The following WDR27 variants were observed in gnomAD, a reference collection of about 807,000 sequenced individuals.
The protein encoded by WDR27 is WD repeat domain 27.
Under a neutral mutation model 114.4 loss-of-function variants are expected in WDR27, and 100 were observed. The ratio of observed to expected loss-of-function variants is 0.87; its 90% confidence interval spans 0.74 to 1.03. The LOEUF is 1.03. Ranked by LOEUF, WDR27 falls within the 50% of genes least tolerant of loss-of-function variation. The pLI, the probability that WDR27 is intolerant of heterozygous loss-of-function variation, is 0.00. For missense variants in WDR27, 1,129 were observed against 1,092.9 expected (o/e 1.03, Z -0.47); for synonymous variants, 449 against 423.1 (o/e 1.06, Z -0.75).
intron 25 of WDR27, among the ~76,000 whole-genome samples, chr6:169,502,989 C>A (rs1418723230): frequency 6.6e-6 from 1 of 152,138 alleles, no homozygotes; most frequent in African/African-American, 2.4e-5. Flanking sequence ...CATGAAATGT[C>A]TACCTAGTCA....
intron 23 of WDR27, among the ~76,000 whole-genome samples, chr6:169,590,090 G>C (rs1805438212): frequency 6.6e-6 from 1 of 152,232 alleles, no homozygotes; most frequent in Non-Finnish European, 1.5e-5. Context: ...CTGAAGAAGA[G>C]AAGTGTTTTG....
intron 1 of WDR27, among the ~76,000 whole-genome samples, chr6:169,696,196 C>T (rs1585228631): frequency 6.6e-6 from 1 of 152,348 alleles, no homozygotes; most frequent in African/African-American, 2.4e-5. Context: ...CATACGTCTA[C>T]ACAGTGATCT....
intron 25 of WDR27, among the ~76,000 whole-genome samples, chr6:169,490,331 T>C (rs1228490554): frequency 6.6e-6 from 1 of 152,232 alleles, no homozygotes; most frequent in Non-Finnish European, 1.5e-5. Flanking sequence ...CATGTGGAAT[T>C]TGAACACTGT....
intron 25 of WDR27, chr6:169,558,835 T>C (rs1348924652): frequency 6.6e-6 from 1 of 152,358 alleles, no homozygotes; most frequent in East Asian, 1.9e-4. Context: ...CCAGAGTCCA[T>C]GAGCCATAAA....
intron 25 of WDR27, among the ~76,000 whole-genome samples, chr6:169,547,349 C>A (rs1453865994): frequency 6.6e-6 from 1 of 151,828 alleles, no homozygotes; most frequent in Non-Finnish European, 1.5e-5. Flanking sequence ...ACAAAAAAAC[C>A]AAGGACAGTA....
intron 25 of WDR27, among the ~76,000 whole-genome samples, chr6:169,478,612 C>T (rs1583659615): frequency 6.6e-6 from 1 of 151,556 alleles, no homozygotes. Flanking sequence ...TTATGTGCCA[C>T]AACAAAGCAA....
At chr6:169,579,224 T>A (rs1034188168) in intron 24 of WDR27, among the ~76,000 whole-genome samples, 1 of 152,210 alleles carries the variant, frequency 6.6e-6, no homozygotes, top group Non-Finnish European at 1.5e-5. Flanking sequence ...AAGTCATAGA[T>A]GAAAGGTCTG....
the WDR27 span, among the ~76,000 whole-genome samples, chr6:169,430,290 A>C: frequency 6.6e-6 from 1 of 152,234 alleles, no homozygotes; most frequent in East Asian, 1.9e-4. Flanking sequence ...AAGGCCAGGC[A>C]GCCTTTGAAC....
intron 25 of WDR27, among the ~76,000 whole-genome samples, chr6:169,470,488 C>T (rs188800660): frequency 6.6e-6 from 1 of 152,334 alleles, no homozygotes; most frequent in East Asian, 1.9e-4. Context: ...TACTACATGG[C>T]TTGAAAAATA....
chr6:169,551,899 T>C (rs1478583556), intron 25 of WDR27, among the ~76,000 whole-genome samples: 1 of 152,178 alleles, frequency 6.6e-6, no homozygotes, highest in African/African-American at 2.4e-5. Flanking sequence ...GACACTTACA[T>C]GAATGCCTGC....
At chr6:169,561,526 A>G (rs1799666439) in intron 25 of WDR27, among the ~76,000 whole-genome samples, 1 of 152,242 alleles carries the variant, frequency 6.6e-6, no homozygotes, top group African/African-American at 2.4e-5. Context: ...AAAGATTTAT[A>G]CTTTAAATTA....
intron 13 of WDR27, among the ~76,000 whole-genome samples, chr6:169,654,739 A>AGGCGCGCACAGGGTTAGGC (rs1554347980): frequency 1.3e-5 from 2 of 151,662 alleles, no homozygotes; most frequent in East Asian, 1.9e-4. Context: ...GCACAGGAGG[A>AGGCGCGCACAGGGTTAGGC]GGCGCGCACA....
intron 2 of WDR27, among the ~76,000 whole-genome samples, chr6:169,674,140 C>CT (rs557892773): frequency 5.3e-5 from 8 of 151,996 alleles, no homozygotes; most frequent in African/African-American, 1.7e-4. Context: ...ATCAGCTATA[C>CT]TTTTTTTTCA....
chr6:169,438,525 C>A, the WDR27 span, among the ~76,000 whole-genome samples: 1 of 152,186 alleles, frequency 6.6e-6, no homozygotes, highest in African/African-American at 2.4e-5. Context: ...GCGTGAGCCA[C>A]CGCACCCAGC....
chr6:169,499,685 T>C (rs1186772932), intron 25 of WDR27, among the ~76,000 whole-genome samples: 1 of 152,238 alleles, frequency 6.6e-6, no homozygotes, highest in African/African-American at 2.4e-5. Flanking sequence ...CAAGCCTGCA[T>C]AGGCCAGAAC....
In WDR27 at chr6:169,702,023, T is replaced by C; in HGVS notation, c.-480A>G. On this transcript the variant is annotated 5_prime_UTR_variant, in exon 1 of 26. In the 5' UTR this introduces an upstream ATG that the reference lacks. Coordinates refer to ENST00000448612, the MANE Select transcript of WDR27 (RefSeq NM_182552.5). ...TTGCCAGCCGACCCACGCGAGCCGC[T>C]ATGGTTACTAGCCCGCCGCCCCTCG... The C allele has an allele frequency of 2.2e-6, 1 of 450,406 alleles. No individual in the cohort carries two copies. The allele number at this position is 450,406 out of a possible 1,614,324, so 27.9% of individuals were successfully genotyped here.
chr6:169,480,330 C>T (rs947517010), intron 25 of WDR27, among the ~76,000 whole-genome samples: 1 of 152,210 alleles, frequency 6.6e-6, no homozygotes, highest in Non-Finnish European at 1.5e-5. Flanking sequence ...CCTGCCACTC[C>T]CGTGAGCTCC....
At chr6:169,665,169 G>A (rs1183473445) in intron 7 of WDR27, 2 of 1,085,694 alleles carry the variant, frequency 1.8e-6, no homozygotes, top group Non-Finnish European at 2.2e-6. Context: ...GTGGGAGCGG[G>A]GGACGTCTGC....
chr6:169,649,381 T>A (rs1821658783), intron 14 of WDR27, 106 bp from the exon 15 acceptor site: 5 of 972,632 alleles, frequency 5.1e-6, no homozygotes, highest in African/African-American at 1.6e-5. Context: ...GATATAGACG[T>A]CTGCATAAAT....
Sources: allele counts gnomAD v4.1 joint callset (sites outside exome capture counted in the v4.1 genomes callset), GRCh38; gene constraint gnomAD v4.1.1; transcripts MANE v1.5; gene names NCBI Gene and HGNC (gene_info 2026-07-23, HGNC 2026-07-21).